DCLK2: variants seen among roughly 807,000 people sequenced by gnomAD.
DCLK2 encodes serine/threonine-protein kinase DCLK2.
DCLK2 carries 31 observed loss-of-function variants against 78.4 expected under a neutral mutation model. That is an observed-to-expected ratio of 0.40 (90% CI 0.30 to 0.53). DCLK2 has a LOEUF of 0.53. Ranked by LOEUF, DCLK2 falls within the 20% of genes least tolerant of loss-of-function variation. The pLI, the probability that DCLK2 is intolerant of heterozygous loss-of-function variation, is 0.61. For synonymous variants in DCLK2, 407 were observed against 374.9 expected (o/e 1.09, Z -0.99); for missense variants, 872 against 973.7 (o/e 0.90, Z 1.39).
intron 2 of DCLK2, among the ~76,000 whole-genome samples, chr4:150,173,672 C>T (rs986052566): frequency 6.6e-6 from 1 of 152,134 alleles, no homozygotes; most frequent in African/African-American, 2.4e-5. Flanking sequence ...GCAGTGAGTG[C>T]CTTGCATTGT....
intron 2 of DCLK2, among the ~76,000 whole-genome samples, chr4:150,140,506 G>T (rs1165800960): frequency 6.6e-6 from 1 of 152,198 alleles, no homozygotes; most frequent in Non-Finnish European, 1.5e-5. Context: ...TGGCAGAGTT[G>T]CTCACAAAAC....
intron 1 of DCLK2, among the ~76,000 whole-genome samples, chr4:150,097,713 C>A (rs1488675907): frequency 6.6e-6 from 1 of 152,184 alleles, no homozygotes; most frequent in African/African-American, 2.4e-5. Context: ...CTTTCTGTTC[C>A]ATTACCATGC....
At chr4:150,091,723 A>G (rs1323732654) in intron 1 of DCLK2, among the ~76,000 whole-genome samples, 1 of 151,802 alleles carries the variant, frequency 6.6e-6, no homozygotes, top group Non-Finnish European at 1.5e-5. Context: ...TAAAATTTCC[A>G]CCTACATAAG....
chr4:150,124,880 G>C (rs1732811027), intron 2 of DCLK2, among the ~76,000 whole-genome samples: 1 of 152,196 alleles, frequency 6.6e-6, no homozygotes, highest in Non-Finnish European at 1.5e-5. Context: ...GAGCTTTTAA[G>C]ACTTGAAAAA....
intron 2 of DCLK2, among the ~76,000 whole-genome samples, chr4:150,111,604 G>C (rs1731697673): frequency 6.6e-6 from 1 of 152,054 alleles, no homozygotes; most frequent in Non-Finnish European, 1.5e-5. Context: ...GAATTTTTAT[G>C]GCTTCAAGTC....
intron 2 of DCLK2, among the ~76,000 whole-genome samples, chr4:150,117,277 G>A (rs948715383): frequency 5.3e-5 from 8 of 152,160 alleles, no homozygotes; most frequent in Non-Finnish European, 8.8e-5. Flanking sequence ...ACTTGGCAAG[G>A]CAGGTCTCTC....
chr4:150,161,500 A>G (rs1185401802), intron 2 of DCLK2, among the ~76,000 whole-genome samples: 1 of 152,180 alleles, frequency 6.6e-6, no homozygotes, highest in Non-Finnish European at 1.5e-5. Context: ...TCTTTAGATT[A>G]TATCAGATAA....
chr4:150,232,617 A>G (rs1018958403), intron 9 of DCLK2, 65 bp from the exon 10 acceptor site: 5 of 1,563,140 alleles, frequency 3.2e-6, no homozygotes, highest in Non-Finnish European at 4.4e-6. Context: ...CCAATGAGCC[A>G]TCTTTCTTAC....
At chr4:150,109,535 C>T (rs1399027454) in intron 2 of DCLK2, among the ~76,000 whole-genome samples, 6 of 152,136 alleles carry the variant, frequency 3.9e-5, no homozygotes, top group African/African-American at 1.4e-4. Flanking sequence ...GACAGGGTTT[C>T]ACCATGTTGG....
At chr4:150,187,619 A>T (rs1000984796) in intron 2 of DCLK2, among the ~76,000 whole-genome samples, 2 of 152,154 alleles carry the variant, frequency 1.3e-5, no homozygotes, top group Non-Finnish European at 2.9e-5. Context: ...TAATGAGGTC[A>T]ATAATTTTTG....
At chr4:150,115,700 G>C (rs756710277) in intron 2 of DCLK2, among the ~76,000 whole-genome samples, 4 of 152,162 alleles carry the variant, frequency 2.6e-5, no homozygotes, top group African/African-American at 9.7e-5. Context: ...GTGTGACCAG[G>C]TTGATTGCTG....
At chr4:150,247,559 A>C in intron 12 of DCLK2, 44 bp from the exon 13 acceptor site, 7 of 1,576,222 alleles carry the variant, frequency 4.4e-6, no homozygotes, top group Non-Finnish European at 4.4e-6. Context: ...GAAAAATTCT[A>C]CGGTGACTTT....
At chr4:150,235,246 C>T (rs1056040972) in intron 10 of DCLK2, among the ~76,000 whole-genome samples, 1 of 152,214 alleles carries the variant, frequency 6.6e-6, no homozygotes, top group Non-Finnish European at 1.5e-5. Flanking sequence ...CCTGTTTCTT[C>T]TCTTTTCCAC....
chr4:150,199,472 A>C (rs1442457749), intron 4 of DCLK2, among the ~76,000 whole-genome samples: 1 of 152,212 alleles, frequency 6.6e-6, no homozygotes, highest in African/African-American at 2.4e-5. Flanking sequence ...CCTGGGGTTA[A>C]CAGTTTAGTA....
At chr4:150,080,184 T>C (rs1485064889) in intron 1 of DCLK2, among the ~76,000 whole-genome samples, 2 of 151,072 alleles carry the variant, frequency 1.3e-5, no homozygotes, top group Admixed American at 1.3e-4. Flanking sequence ...CCACATTTGG[T>C]TGGAAAAAAG....
At position 150,130,606 on chromosome 4, in the gene DCLK2, G is replaced by C. The variant is rs1049520010; in HGVS notation, c.756+27794G>C. Among the ~76,000 whole-genome samples the C allele has an allele frequency of 7.2e-5, 11 of 152,162 alleles. No homozygotes were observed. The East Asian group carries it at 2.1e-3, about 30-fold the overall frequency. On this transcript the variant is annotated intron_variant, in intron 2 of 15. Transcript: ENST00000296550. ...GGAGATGGAGAGTTAAGTTTAAACA[G>C]GGGGCTATGTGAAGACTATATCAGC...
intron 10 of DCLK2, among the ~76,000 whole-genome samples, chr4:150,237,289 AG>A (rs1742583554): frequency 6.6e-6 from 1 of 152,142 alleles, no homozygotes. Flanking sequence ...ATGGGTGGAA[AG>A]TTTTCCTAAG....
At chr4:150,095,921 G>T (rs765310152) in intron 1 of DCLK2, among the ~76,000 whole-genome samples, 3 of 152,230 alleles carry the variant, frequency 2.0e-5, no homozygotes, top group Admixed American at 6.5e-5. Context: ...CAAGCATGCT[G>T]ATATGACACT....
At chr4:150,236,487 A>C (rs2126586576) in intron 10 of DCLK2, among the ~76,000 whole-genome samples, 1 of 152,298 alleles carries the variant, frequency 6.6e-6, no homozygotes, top group African/African-American at 2.4e-5. Context: ...TGGCTCTAGA[A>C]GTCCAGTGAG....
Sources: gnomAD v4.1 joint callset for allele counts (sites outside exome capture counted in the v4.1 genomes callset) on GRCh38, gnomAD v4.1.1 for gene constraint, MANE v1.5 for transcripts, NCBI Gene and HGNC (gene_info 2026-07-23, HGNC 2026-07-21) for gene names.